PTPRN2: variants seen among roughly 807,000 people sequenced by gnomAD.
PTPRN2 encodes the protein protein tyrosine phosphatase receptor type N2.
A neutral mutation model predicts 118.8 loss-of-function variants in PTPRN2; 74 were observed. That is an observed-to-expected ratio of 0.62 (90% confidence interval 0.52 to 0.76). PTPRN2 has a LOEUF of 0.76. Among genes scored for constraint, PTPRN2 ranks in the 30% least tolerant of loss-of-function variants. The pLI is 0.00. For synonymous variants in PTPRN2, 641 were observed against 608.0 expected (o/e 1.05, Z -0.80); for missense variants, 1,481 against 1,394.4 (o/e 1.06, Z -0.99).
At position 158,071,267 on chromosome 7, in the gene PTPRN2, G is replaced by GGTGGAGATGCTCATT. The variant is rs1404278540; in HGVS notation, c.1723+10030_1723+10031insAATGAGCATCTCCAC. 8.4e-4 allele frequency among the ~76,000 whole-genome samples: 37 copies of GGTGGAGATGCTCATT among 44,040 alleles called. 2 individuals carry two copies. The highest frequency in any genetic ancestry group is 1.4e-3 in the African/African-American group (21 of 14,720). 28.9% of individuals were successfully genotyped at this position (44,040 alleles called of 152,430 possible). On this transcript the variant is annotated intron_variant, in intron 11 of 22. Coordinates refer to ENST00000389418, the MANE Select transcript of PTPRN2 (RefSeq NM_002847.5). ...CTCGTAGTATGGAGGTGCCCGTGGT[G>GGTGGAGATGCTCATT]GTGGAGGTGCCCGTGGTGGTGGAGG...
intron 2 of PTPRN2, among the ~76,000 whole-genome samples, chr7:158,485,354 T>A (rs1393272215): frequency 7.4e-6 from 1 of 135,658 alleles, no homozygotes; most frequent in Non-Finnish European, 1.6e-5. Context: ...TCTGCGCCCC[T>A]CCTGCTCGGC....
intron 2 of PTPRN2, among the ~76,000 whole-genome samples, chr7:158,480,493 T>C (rs1396590260): frequency 6.6e-6 from 1 of 152,164 alleles, no homozygotes; most frequent in Non-Finnish European, 1.5e-5. Context: ...TAAGTGTTCA[T>C]GTGAAAGAAA....
chr7:157,737,258 G>A (rs1189238813), intron 12 of PTPRN2, among the ~76,000 whole-genome samples: 1 of 152,256 alleles, frequency 6.6e-6, no homozygotes, highest in African/African-American at 2.4e-5. Context: ...TCTGAGGGCT[G>A]AGAAGCCCAA....
Position 158,110,900 on chromosome 7 carries a change from C to A in PTPRN2, c.1572G>T (p.Glu524Asp). ...CGTCCTCCACCAGCCGCCTTCCTTC[C>A]TCGGGGCGCAGGGGGCTGCGGATGA... ...IVTDRDPLRP[E>D]EGRRLVEDVA... The change falls in exon 10 of 23, where the codon GAG becomes GAT. Residue 524 changes from glutamate to aspartate, a missense_variant. Around this residue, in one of 3 missense-constraint regions of PTPRN2, gnomAD observed 1,115 missense variants for 994.2 expected, o/e 1.12. Coordinates refer to ENST00000389418, the MANE Select transcript of PTPRN2 (RefSeq NM_002847.5). 1 of 1,571,084 alleles carries A rather than the reference C, an allele frequency of 6.4e-7. No homozygotes were observed. Among genetic ancestry groups the A allele is most frequent in the Non-Finnish European group, 8.6e-7 (1 of 1,158,932 alleles).
In PTPRN2 at chr7:158,315,547, C is replaced by T. The variant is rs565177439; in HGVS notation, c.277+1272G>A. On this transcript the variant is annotated intron_variant, in intron 3 of 22. Coordinates refer to ENST00000389418, the MANE Select transcript of PTPRN2 (RefSeq NM_002847.5). ...GACCCCTGAAGGACAGAGGTGAACC[C>T]GGGACCCCTGAAGAACAGAGGTGAT... 3.3e-4 allele frequency among the ~76,000 whole-genome samples: 50 copies of T among 150,502 alleles called. 2 individuals are homozygous for T. Among genetic ancestry groups the T allele is most frequent in the Admixed American group, 2.3e-3 (34 of 15,100 alleles).
chr7:158,015,378 T>G lies in PTPRN2; in HGVS notation c.1723+65920A>C, dbSNP rs1452224797. On this transcript the variant is annotated intron_variant, in intron 11 of 22. Transcript: ENST00000389418. The surrounding 1 kb of genome is among the most constrained non-coding windows in gnomAD (Gnocchi z 4.2). Reference sequence around the variant, plus strand: ...TCCCCTGTCTACCGATTAAAAACTCTGAGGTCTTTTTAGTTAATGTGTGAC... The same window carrying G: ...TCCCCTGTCTACCGATTAAAAACTCGGAGGTCTTTTTAGTTAATGTGTGAC... Among the ~76,000 whole-genome samples the G allele has an allele frequency of 6.6e-6, 1 of 152,146 alleles. No individual in the cohort carries two copies. The highest frequency in any genetic ancestry group is 1.5e-5 in the Non-Finnish European group (1 of 68,030).
intron 11 of PTPRN2, among the ~76,000 whole-genome samples, chr7:158,063,950 ACACT>A (rs1318280009): frequency 9.9e-5 from 15 of 152,220 alleles, no homozygotes; most frequent in Admixed American, 7.2e-4. Context: ...AAAGTGAGAC[ACACT>A]CAGTGAGAGA....
chr7:157,921,776 A>T (rs965179360), intron 11 of PTPRN2, among the ~76,000 whole-genome samples: 3 of 152,190 alleles, frequency 2.0e-5, no homozygotes, highest in African/African-American at 7.2e-5. Flanking sequence ...AGCTAAATAA[A>T]CTTCTTTTCT....
At chr7:158,229,392 G>A (rs1347341163) in intron 3 of PTPRN2, among the ~76,000 whole-genome samples, 1 of 151,966 alleles carries the variant, frequency 6.6e-6, no homozygotes, top group Non-Finnish European at 1.5e-5. Flanking sequence ...TTCTCAAATG[G>A]ACAAAGTAAG....
At chr7:158,009,140 C>A (rs527748648) in intron 11 of PTPRN2, among the ~76,000 whole-genome samples, 4 of 152,104 alleles carry the variant, frequency 2.6e-5, no homozygotes, top group Non-Finnish European at 5.9e-5. Context: ...CCGTGACCGA[C>A]CCCCTCAGTG....
intron 3 of PTPRN2, among the ~76,000 whole-genome samples, chr7:158,272,560 C>T (rs1393966174): frequency 6.6e-6 from 1 of 152,204 alleles, no homozygotes; most frequent in South Asian, 2.1e-4. Context: ...GAACGGCAGC[C>T]CACCTCAAAG....
intron 12 of PTPRN2, among the ~76,000 whole-genome samples, chr7:157,873,135 C>T (rs1029250898): frequency 1.4e-4 from 22 of 152,258 alleles, no homozygotes; most frequent in Admixed American, 9.8e-4. Context: ...ACCTCTGCCT[C>T]ATTCCCTCTG....
At chr7:157,682,015 T>G (rs1796936507) in intron 13 of PTPRN2, among the ~76,000 whole-genome samples, 1 of 152,236 alleles carries the variant, frequency 6.6e-6, no homozygotes, top group Non-Finnish European at 1.5e-5. Flanking sequence ...GTGTAAGTAT[T>G]CTGGGCTTAT....
At chr7:157,875,384 C>T (rs1210260142) in intron 12 of PTPRN2, among the ~76,000 whole-genome samples, 5 of 152,150 alleles carry the variant, frequency 3.3e-5, no homozygotes, top group African/African-American at 1.2e-4. Context: ...AGGTGGCAAA[C>T]CTCTATCGGC....
At chr7:158,313,954 C>G (rs985537369) in intron 3 of PTPRN2, among the ~76,000 whole-genome samples, 29 of 152,238 alleles carry the variant, frequency 1.9e-4, no homozygotes, top group Admixed American at 1.5e-3. Flanking sequence ...GTTTGTCAGG[C>G]TGAGAGTCTT....
rs141415180 is a variant in PTPRN2 at position 157,683,390 on chromosome 7, C to G, written c.1789-453G>C. 3.1e-3 allele frequency among the ~76,000 whole-genome samples: 479 copies of G among 152,268 alleles called. 2 individuals carry two copies. The highest frequency in any genetic ancestry group is 0.011 in the African/African-American group (457 of 41,538). On this transcript the variant is annotated intron_variant, in intron 12 of 22. Coordinates refer to ENST00000389418, the MANE Select transcript of PTPRN2 (RefSeq NM_002847.5). Reference sequence around the variant, plus strand: ...GCCTTCTGCAGCTTCAAGTAGCCACCAAGTCCAGCACATCTTCAGCAACAA... The same window carrying G: ...GCCTTCTGCAGCTTCAAGTAGCCACGAAGTCCAGCACATCTTCAGCAACAA...
At chr7:157,860,374 G>A (rs749551751) in intron 12 of PTPRN2, among the ~76,000 whole-genome samples, 1 of 152,198 alleles carries the variant, frequency 6.6e-6, no homozygotes, top group African/African-American at 2.4e-5. Context: ...CAGCCTTCGC[G>A]CCTCTCCAGG....
chr7:157,634,024 G>A (rs966125418), intron 14 of PTPRN2, among the ~76,000 whole-genome samples: 1 of 152,138 alleles, frequency 6.6e-6, no homozygotes, highest in Non-Finnish European at 1.5e-5. Flanking sequence ...ACAGCGCGTG[G>A]GGAACAGCAG....
intron 1 of PTPRN2, among the ~76,000 whole-genome samples, chr7:158,503,610 T>C (rs901710193): frequency 6.6e-6 from 1 of 152,174 alleles, no homozygotes; most frequent in Admixed American, 6.5e-5. Context: ...ACTGAGAGAA[T>C]GGAAAGAGCT....
Sources: gnomAD v4.1 joint callset for allele counts (sites outside exome capture counted in the v4.1 genomes callset) on GRCh38, gnomAD v4.1.1 for gene constraint, gnomAD v4.1.1 regional missense constraint, Gnocchi (gnomAD v3.1) non-coding constraint, MANE v1.5 for transcripts, NCBI Gene and HGNC (gene_info 2026-07-23, HGNC 2026-07-21) for gene names.